Variants in DCHS2 observed in about 807,000 individuals in gnomAD.
The protein encoded by DCHS2 is dachsous cadherin-related 2, also known as protocadherin-23.
In DCHS2, 142 loss-of-function variants were observed where a neutral mutation model predicts 182.4. That is an observed-to-expected ratio of 0.78 (90% CI 0.68 to 0.89). DCHS2 has a LOEUF of 0.89. Ranked by LOEUF, DCHS2 falls within the 40% of genes least tolerant of loss-of-function variation. The pLI, the probability that DCHS2 is intolerant of heterozygous loss-of-function variation, is 0.00. For synonymous variants in DCHS2, 1,740 were observed against 1,663.3 expected (o/e 1.05, Z -1.12); for missense variants, 4,319 against 4,198.6 (o/e 1.03, Z -0.79).
chr4:154,256,921 G>A (rs1277916600), intron 15 of DCHS2, among the ~76,000 whole-genome samples: 1 of 152,046 alleles, frequency 6.6e-6, no homozygotes, highest in Non-Finnish European at 1.5e-5. Flanking sequence ...AGTTTCCTTT[G>A]GGATCACCAA....
At chr4:154,486,670 A>G in intron 1 of DCHS2, 1 of 582,526 alleles carries the variant, frequency 1.7e-6, no homozygotes, top group South Asian at 2.0e-5. Context: ...AAAGTGGTAT[A>G]AAGAAAGATT....
At chr4:154,477,255 C>G (rs1437954695) in intron 1 of DCHS2, among the ~76,000 whole-genome samples, 1 of 152,162 alleles carries the variant, frequency 6.6e-6, no homozygotes. Context: ...ACTCCTCTCT[C>G]TTTCTCTTAT....
intron 13 of DCHS2, among the ~76,000 whole-genome samples, chr4:154,283,315 T>G (rs944785848): frequency 6.6e-6 from 1 of 152,038 alleles, no homozygotes; most frequent in African/African-American, 2.4e-5. Flanking sequence ...TCAAAAGAAA[T>G]AATTTTCCAA....
chr4:154,405,092 C>CA lies in DCHS2; in HGVS notation c.2053-27649dup, dbSNP rs554035961. 1.5e-4 allele frequency among the ~76,000 whole-genome samples: 22 copies of CA among 151,544 alleles called. No individual in the cohort carries two copies. The South Asian group carries it at 3.5e-3, about 24-fold the overall frequency. ...TGAAACCCCCTCTCCACTAAAAATA[C>CA]AAAAAAAATTAGCCAGGCCTGGTGG... On this transcript the variant is annotated intron_variant, in intron 1 of 19. Coordinates refer to ENST00000357232, the MANE Select transcript of DCHS2 (RefSeq NM_001358235.2).
chr4:154,342,744 C>T (rs891556951), intron 3 of DCHS2, among the ~76,000 whole-genome samples: 3 of 152,216 alleles, frequency 2.0e-5, no homozygotes, highest in African/African-American at 7.2e-5. Flanking sequence ...AGTGGTGATT[C>T]CCTCAAAGTC....
At chr4:154,278,751 G>A (rs535773284) in intron 13 of DCHS2, among the ~76,000 whole-genome samples, 4 of 152,158 alleles carry the variant, frequency 2.6e-5, no homozygotes, top group African/African-American at 9.6e-5. Flanking sequence ...CTGAAAGTAA[G>A]AAAACTGCCA....
At chr4:154,441,742 T>C (rs1359490006) in intron 1 of DCHS2, among the ~76,000 whole-genome samples, 2 of 152,150 alleles carry the variant, frequency 1.3e-5, no homozygotes, top group East Asian at 3.8e-4. Context: ...GCTTTTTTTT[T>C]AACTTGAAAG....
intron 6 of DCHS2, 140 bp from the exon 7 acceptor site, chr4:154,328,332 T>C (rs1199200218): frequency 9.3e-6 from 5 of 539,722 alleles, no homozygotes; most frequent in Non-Finnish European, 1.6e-5. Context: ...ATGCATACCA[T>C]GTAAAAGTTA....
At position 154,333,028 on chromosome 4, in the gene DCHS2, C is replaced by T. The variant is rs967041770; in HGVS notation, c.3180G>A (p.Val1060=). The stretch of plus-strand genomic sequence containing the variant: ...GCACCAGCAGGGCTGCCTGAGGATG[C>T]ACGCCTTGGTCCTCGGCCCTGAGAG... ...TLTLRAEDQG[V]HPQAALLVLT... Residue 1060 remains valine, a synonymous_variant, in exon 5 of 20, where the codon GTG becomes GTA. Transcript: ENST00000357232. 6.2e-6 allele frequency: 10 copies of T among 1,614,018 alleles called. No homozygotes were observed. In the African/African-American group the frequency reaches 1.2e-4, roughly 19 times the overall value.
At chr4:154,386,271 T>A (rs1386174406) in intron 1 of DCHS2, among the ~76,000 whole-genome samples, 1 of 152,212 alleles carries the variant, frequency 6.6e-6, no homozygotes, top group Non-Finnish European at 1.5e-5. Context: ...CCTGTCCGAC[T>A]CTTTCACTCC....
intron 1 of DCHS2, among the ~76,000 whole-genome samples, chr4:154,476,901 G>A (rs139938526): frequency 2.0e-5 from 3 of 152,272 alleles, no homozygotes; most frequent in African/African-American, 7.2e-5. Context: ...GTGGGCAAGT[G>A]GGGAGCTTAG....
At chr4:154,322,978 C>T (rs1170941036) in intron 7 of DCHS2, 1 of 436,698 alleles carries the variant, frequency 2.3e-6, no homozygotes, top group Admixed American at 3.8e-5. Context: ...TTCAACCATC[C>T]CATAAATACT....
At chr4:154,316,998 A>T (rs1735882723) in intron 9 of DCHS2, among the ~76,000 whole-genome samples, 6 of 152,204 alleles carry the variant, frequency 3.9e-5, no homozygotes, top group Admixed American at 3.9e-4. Flanking sequence ...TTTTCTTGAA[A>T]TAATGAAAGA....
At chr4:154,291,640 T>C (rs1578922062) in intron 13 of DCHS2, among the ~76,000 whole-genome samples, 2 of 152,198 alleles carry the variant, frequency 1.3e-5, no homozygotes, top group African/African-American at 2.4e-5. Context: ...CCCAGTCATC[T>C]GCAACAACAT....
chr4:154,381,379 A>C (rs935345561), intron 1 of DCHS2, among the ~76,000 whole-genome samples: 9 of 152,110 alleles, frequency 5.9e-5, no homozygotes, highest in African/African-American at 1.7e-4. Flanking sequence ...AATTTTTATC[A>C]GACAAGGATA....
Position 154,328,196 on chromosome 4 carries a change from C to A in DCHS2, c.3919-4G>T, listed in dbSNP as rs373976872. ...TTACTGGTTGACCTTCCAGAACCTGCCATTAAAACAAACAGCTTACAAATG... is the reference window on the plus strand; with the variant it reads ...TTACTGGTTGACCTTCCAGAACCTGACATTAAAACAAACAGCTTACAAATG... On this transcript the variant is annotated splice_region_variant and splice_polypyrimidine_tract_variant and intron_variant, in intron 6 of 19. Transcript: ENST00000357232. The A allele has an allele frequency of 4.6e-5, 73 of 1,598,770 alleles. No homozygotes were observed. The highest frequency in any genetic ancestry group is 1.7e-4 in the Middle Eastern group (1 of 6,034).
Position 154,328,754 on chromosome 4 carries a change from A to G in DCHS2, c.3919-562T>C, listed in dbSNP as rs1030384388. On this transcript the variant is annotated intron_variant, in intron 6 of 19. Transcript: ENST00000357232. ...AAAAGTGTAATGATGATATAATAAT[A>G]TTTTGCTTTGTTAGAATTTTTCTTT... 3.3e-5 allele frequency among the ~76,000 whole-genome samples: 5 copies of G among 152,260 alleles called. No individual in the cohort carries two copies. The East Asian group carries it at 9.6e-4, about 29-fold the overall frequency.
chr4:154,491,720 T>A lies in DCHS2; in HGVS notation c.-365A>T. On this transcript the variant is annotated 5_prime_UTR_variant, in exon 1 of 20. Coordinates refer to ENST00000357232, the MANE Select transcript of DCHS2 (RefSeq NM_001358235.2). Reference sequence around the variant, plus strand: ...TGGTAAAGTCAGGTGCATTATTTCTTTTGCCAAAAAGGAGGAGATTATATG... The same window carrying A: ...TGGTAAAGTCAGGTGCATTATTTCTATTGCCAAAAAGGAGGAGATTATATG... The A allele has an allele frequency of 9.4e-7, 1 of 1,062,766 alleles. No individual in the cohort carries two copies. The highest frequency in any genetic ancestry group is 6.8e-5 in the East Asian group (1 of 14,612). The allele number at this position is 1,062,766 out of a possible 1,614,324, so 65.8% of individuals were successfully genotyped here. A position where few individuals can be genotyped will look rare whatever the true frequency, so the allele number is the denominator to read the frequency against.
At chr4:154,393,804 T>G (rs780330612) in intron 1 of DCHS2, among the ~76,000 whole-genome samples, 1 of 152,152 alleles carries the variant, frequency 6.6e-6, no homozygotes, top group Non-Finnish European at 1.5e-5. Flanking sequence ...ATTAATTACA[T>G]TATGTCCTGA....
Sources: gnomAD v4.1 joint callset for allele counts (sites outside exome capture counted in the v4.1 genomes callset) on GRCh38, gnomAD v4.1.1 for gene constraint, MANE v1.5 for transcripts, NCBI Gene and HGNC (gene_info 2026-07-23, HGNC 2026-07-21) for gene names.